The following LINGO2 variants were observed in gnomAD, a reference collection of about 807,000 sequenced individuals.
The protein encoded by LINGO2 is leucine rich repeat and Ig domain containing 2.
LINGO2 carries 14 observed loss-of-function variants against 30.6 expected under a neutral mutation model. The observed-to-expected ratio is 0.46, with a 90% CI of 0.30 to 0.72. The LOEUF is 0.72. Ranked by LOEUF, LINGO2 falls within the 30% of genes least tolerant of loss-of-function variation. LINGO2 has a pLI of 0.07. For synonymous variants in LINGO2, 317 were observed against 288.5 expected (o/e 1.10, Z -1.00); for missense variants, 729 against 751.7 (o/e 0.97, Z 0.35).
At chr9:28,035,230 C>G (rs115196337) in intron 4 of LINGO2, among the ~76,000 whole-genome samples, 4 of 151,530 alleles carry the variant, frequency 2.6e-5, no homozygotes, top group African/African-American at 9.8e-5. Context: ...AGTGTTCTTT[C>G]TGTTTAATGA....
At chr9:28,387,138 A>T (rs2183827) in intron 2 of LINGO2, among the ~76,000 whole-genome samples, 1 of 151,580 alleles carries the variant, frequency 6.6e-6, no homozygotes, top group African/African-American at 2.4e-5. Flanking sequence ...ACCAATCAGC[A>T]CTCTGTGTCT....
intron 2 of LINGO2, among the ~76,000 whole-genome samples, chr9:28,396,272 T>C (rs1162048565): frequency 1.3e-5 from 2 of 152,226 alleles, no homozygotes; most frequent in African/African-American, 2.4e-5. Flanking sequence ...ATGAATCATA[T>C]GCAAAGTAAA....
chr9:27,985,603 G>A (rs781432721), intron 5 of LINGO2, among the ~76,000 whole-genome samples: 231 of 134,366 alleles, frequency 1.7e-3, no homozygotes, highest in Non-Finnish European at 2.6e-3. Context: ...AAAAAGTGTA[G>A]TACAAGATAA....
chr9:28,963,953 A>T, the LINGO2 span, among the ~76,000 whole-genome samples: 1 of 152,086 alleles, frequency 6.6e-6, no homozygotes, highest in South Asian at 2.1e-4. Context: ...CAAAGAAATG[A>T]TAAATGTTCA....
Position 28,130,206 on chromosome 9 carries a change from T to G in LINGO2, c.-86-117801A>C, listed in dbSNP as rs7849051. Among the ~76,000 whole-genome samples the G allele has an allele frequency of 1.3e-5, 2 of 152,198 alleles. No homozygotes were observed. Among genetic ancestry groups the G allele is most frequent in the African/African-American group, 4.8e-5 (2 of 41,436 alleles). ...GGTTTGAACTCTAGACCCTCTAAAATAGACCTTAACACACTTCATCAGATT... is the reference window on the plus strand; with the variant it reads ...GGTTTGAACTCTAGACCCTCTAAAAGAGACCTTAACACACTTCATCAGATT... On this transcript the variant is annotated intron_variant, in intron 4 of 5. Transcript: ENST00000379992. This position sits in a 1 kb window ranked among gnomAD's most constrained non-coding sequence, Gnocchi z 5.2.
the LINGO2 span, among the ~76,000 whole-genome samples, chr9:29,035,020 T>C: frequency 9.9e-5 from 15 of 152,184 alleles, no homozygotes; most frequent in Non-Finnish European, 1.9e-4. Context: ...ATATTTATTT[T>C]TAAGCAGAGA....
At chr9:27,976,833 G>C (rs1820618333) in intron 5 of LINGO2, among the ~76,000 whole-genome samples, 1 of 152,090 alleles carries the variant, frequency 6.6e-6, no homozygotes, top group South Asian at 2.1e-4. Flanking sequence ...ATGCCAGGCT[G>C]GGAGTCAGCC....
At chr9:28,475,652 C>T (rs942065369) in intron 2 of LINGO2, among the ~76,000 whole-genome samples, 14 of 152,008 alleles carry the variant, frequency 9.2e-5, no homozygotes, top group African/African-American at 3.4e-4. Flanking sequence ...AAAGTTTAAC[C>T]AGACAACAAC....
chr9:27,943,533 C>T (rs755934047), downstream of LINGO2: 4 of 151,944 alleles, frequency 2.6e-5, no homozygotes, highest in Non-Finnish European at 5.9e-5. Context: ...ATCAGAATCA[C>T]TCAACCTGCA....
the LINGO2 span, among the ~76,000 whole-genome samples, chr9:28,992,031 T>G: frequency 6.6e-6 from 1 of 152,176 alleles, no homozygotes; most frequent in Non-Finnish European, 1.5e-5. Context: ...ACTTTAAATG[T>G]AAATGGACTA....
At chr9:28,940,241 G>A in the LINGO2 span, among the ~76,000 whole-genome samples, 20 of 152,180 alleles carry the variant, frequency 1.3e-4, no homozygotes, top group African/African-American at 4.3e-4. Flanking sequence ...GCTCTGTCAG[G>A]TGAGTTCTAC....
At chr9:28,870,545 T>C in the LINGO2 span, among the ~76,000 whole-genome samples, 1 of 152,104 alleles carries the variant, frequency 6.6e-6, no homozygotes, top group Non-Finnish European at 1.5e-5. Flanking sequence ...TTTCTATTCA[T>C]GTGTATTGGT....
In LINGO2 at chr9:28,237,796, G is replaced by C. The variant is rs534623382; in HGVS notation, c.-87+57412C>G. ...TTGAACCTAGGAGGTGGAGGTTGCAGTGAGCCAAGATTGTGCCACTGCACT... is the reference window on the plus strand; with the variant it reads ...TTGAACCTAGGAGGTGGAGGTTGCACTGAGCCAAGATTGTGCCACTGCACT... On this transcript the variant is annotated intron_variant, in intron 4 of 5. Transcript: ENST00000379992. 1.1e-3 allele frequency among the ~76,000 whole-genome samples: 169 copies of C among 152,268 alleles called. 2 individuals carry two copies. Among genetic ancestry groups the C allele is most frequent in the African/African-American group, 3.9e-3 (162 of 41,556 alleles).
intron 1 of LINGO2, among the ~76,000 whole-genome samples, chr9:28,542,565 A>T (rs1480088956): frequency 6.6e-6 from 1 of 152,120 alleles, no homozygotes; most frequent in East Asian, 1.9e-4. Context: ...ACACAAGGAT[A>T]GCCAGAAAAT....
At chr9:28,038,160 T>C (rs1201014374) in intron 4 of LINGO2, among the ~76,000 whole-genome samples, 1 of 152,212 alleles carries the variant, frequency 6.6e-6, no homozygotes, top group Non-Finnish European at 1.5e-5. Context: ...AGAGGCATTT[T>C]AGCTGAAGCA....
At chr9:29,194,323 G>A in the LINGO2 span, among the ~76,000 whole-genome samples, 1 of 152,090 alleles carries the variant, frequency 6.6e-6, no homozygotes, top group African/African-American at 2.4e-5. Context: ...GCCACAGGCT[G>A]TCCCCTATTG....
rs1563879117 is a variant in LINGO2, at chr9:28,632,871, TATATATATGTAG to T, written c.-365+37317_-365+37328del. On this transcript the variant is annotated intron_variant, in intron 1 of 5. Coordinates refer to ENST00000379992, the Ensembl canonical transcript of LINGO2. ...TATATATTTTTTATATATATATATA[TATATATATGTAG>T]AGAGAGAGAGAGAGAGAGAGAGAGA... Among the ~76,000 whole-genome samples, 186 of 107,624 alleles carry T rather than the reference TATATATATGTAG, an allele frequency of 1.7e-3. 5 individuals carry two copies. Among genetic ancestry groups the T allele is most frequent in the Middle Eastern group, 0.013 (3 of 232 alleles). The allele number at this position is 107,624 out of a possible 152,430, so 70.6% of individuals were successfully genotyped here. A position where few individuals can be genotyped will look rare whatever the true frequency, so the allele number is the denominator to read the frequency against.
intron 5 of LINGO2, among the ~76,000 whole-genome samples, chr9:27,988,640 CTTCTT>C (rs1366591166): frequency 6.6e-6 from 1 of 151,938 alleles, no homozygotes; most frequent in East Asian, 1.9e-4. Context: ...GCATAAATGT[CTTCTT>C]TTGAGTAGTG....
the LINGO2 span, among the ~76,000 whole-genome samples, chr9:28,774,992 T>C: frequency 3.5e-5 from 2 of 56,816 alleles, no homozygotes; most frequent in African/African-American, 2.2e-4. Context: ...AAAGCTTTGC[T>C]TTTTTAGTAT....
Sources: gnomAD v4.1 joint callset for allele counts (sites outside exome capture counted in the v4.1 genomes callset) on GRCh38, gnomAD v4.1.1 for gene constraint, Gnocchi (gnomAD v3.1) non-coding constraint, MANE v1.5 for transcripts, NCBI Gene and HGNC (gene_info 2026-07-23, HGNC 2026-07-21) for gene names.